KIAA1217: variants seen among roughly 807,000 people sequenced by gnomAD.
KIAA1217 encodes the protein KIAA1217, also known as sickle tail protein homolog.
In KIAA1217, 88 loss-of-function variants were observed where a neutral mutation model predicts 163.9. The ratio of observed to expected loss-of-function variants is 0.54; its 90% CI spans 0.45 to 0.64. The LOEUF (loss-of-function observed/expected upper bound fraction) is 0.64, where lower values mean the gene tolerates loss of function less well. Ranked by LOEUF, KIAA1217 falls within the 30% of genes least tolerant of loss-of-function variation. The probability of loss-of-function intolerance (pLI) is 0.00; values close to 1 mark genes in which losing one functional copy is unlikely to be tolerated. For missense variants in KIAA1217, 2,372 were observed against 2,475.0 expected (o/e 0.96, Z 0.88); for synonymous variants, 903 against 923.1 (o/e 0.98, Z 0.39).
chr10:24,166,002 C>T (rs943794995), intron 2 of KIAA1217, among the ~76,000 whole-genome samples: 7 of 152,162 alleles, frequency 4.6e-5, no homozygotes, highest in African/African-American at 7.2e-5. Flanking sequence ...TTCTTCCATG[C>T]TCCATCCTCC....
At chr10:24,326,867 C>T (rs766411647) in intron 2 of KIAA1217, among the ~76,000 whole-genome samples, 10 of 151,938 alleles carry the variant, frequency 6.6e-5, no homozygotes, top group South Asian at 4.2e-4. Context: ...ATTAGGGAAA[C>T]GAATGATATG....
At chr10:24,457,774 G>A (rs1183511002) in intron 5 of KIAA1217, among the ~76,000 whole-genome samples, 1 of 151,972 alleles carries the variant, frequency 6.6e-6, no homozygotes, top group Non-Finnish European at 1.5e-5. Context: ...ATCCTGTGTG[G>A]GAAGGAAGTC....
At chr10:24,367,119 G>A (rs752444625) in intron 2 of KIAA1217, 1 of 984,454 alleles carries the variant, frequency 1.0e-6, no homozygotes, top group Non-Finnish European at 1.2e-6. Context: ...TGGTCCACAG[G>A]CTTTGAAGGG....
chr10:23,916,246 A>G (rs7903728), intron 1 of KIAA1217, among the ~76,000 whole-genome samples: 61,467 of 152,082 alleles, frequency 0.4, 14,437 homozygotes, highest in African/African-American at 0.65. Flanking sequence ...AGACACAGAC[A>G]CATCCATAAA....
chr10:24,362,961 G>A (rs1451871188), intron 2 of KIAA1217, among the ~76,000 whole-genome samples: 1 of 150,958 alleles, frequency 6.6e-6, no homozygotes, highest in South Asian at 2.1e-4. Flanking sequence ...AAGAAGAAAA[G>A]AAAATCTTTA....
chr10:24,092,928 T>TGTTGTGTGTGTGTGTGTG (rs548350322), intron 2 of KIAA1217, among the ~76,000 whole-genome samples: 4 of 140,952 alleles, frequency 2.8e-5, no homozygotes, highest in African/African-American at 1.1e-4. Context: ...TGTGTGTGTG[T>TGTTGTGTGTGTGTGTGTG]TGTGTGTGTG....
At chr10:23,924,597 G>A (rs904883024) in intron 1 of KIAA1217, among the ~76,000 whole-genome samples, 4 of 152,132 alleles carry the variant, frequency 2.6e-5, no homozygotes, top group South Asian at 2.1e-4. Context: ...TCAAGGAAAC[G>A]TTCAAAGTCA....
At chr10:23,800,552 T>C (rs543377416) in intron 1 of KIAA1217, among the ~76,000 whole-genome samples, 25 of 152,250 alleles carry the variant, frequency 1.6e-4, no homozygotes, top group African/African-American at 4.3e-4. Flanking sequence ...GAGAAATTTC[T>C]TCCAGGGGCC....
At chr10:23,940,349 A>C (rs760218816) in intron 1 of KIAA1217, among the ~76,000 whole-genome samples, 2 of 150,324 alleles carry the variant, frequency 1.3e-5, no homozygotes, top group Non-Finnish European at 3.0e-5. Flanking sequence ...AATCCTAGCT[A>C]TTCAGAAGGC....
At chr10:24,004,081 G>A (rs2131470932) in intron 1 of KIAA1217, among the ~76,000 whole-genome samples, 1 of 152,228 alleles carries the variant, frequency 6.6e-6, no homozygotes, top group East Asian at 1.9e-4. Context: ...CCGGTTCCAA[G>A]CGATTCTCCT....
At chr10:24,279,079 A>G (rs546781452) in intron 2 of KIAA1217, among the ~76,000 whole-genome samples, 1 of 152,232 alleles carries the variant, frequency 6.6e-6, no homozygotes, top group South Asian at 2.1e-4. Flanking sequence ...ACCTCAGGTG[A>G]TCCGCACATC....
At chr10:23,880,433 T>C (rs1029085676) in intron 1 of KIAA1217, among the ~76,000 whole-genome samples, 2 of 151,538 alleles carry the variant, frequency 1.3e-5, no homozygotes, top group Non-Finnish European at 2.9e-5. Flanking sequence ...AGTAGAAGGA[T>C]GGTTACCAGA....
intron 2 of KIAA1217, among the ~76,000 whole-genome samples, chr10:24,046,584 A>G (rs1330420360): frequency 1.3e-5 from 2 of 152,156 alleles, no homozygotes; most frequent in South Asian, 4.1e-4. Context: ...GCGAAGGAGG[A>G]AGTGCCACAC....
chr10:23,888,513 C>T (rs1841282427), intron 1 of KIAA1217, among the ~76,000 whole-genome samples: 1 of 151,860 alleles, frequency 6.6e-6, no homozygotes, highest in African/African-American at 2.4e-5. Context: ...TCACATTTAA[C>T]ATCCTATCAA....
At chr10:23,756,165 G>A (rs1268148864) in intron 1 of KIAA1217, among the ~76,000 whole-genome samples, 1 of 149,066 alleles carries the variant, frequency 6.7e-6, no homozygotes, top group Non-Finnish European at 1.5e-5. Flanking sequence ...GTCTCACTAT[G>A]TTGCCCAAGC....
intron 1 of KIAA1217, among the ~76,000 whole-genome samples, chr10:23,895,789 A>G (rs1841659923): frequency 2.0e-5 from 3 of 152,010 alleles, no homozygotes; most frequent in Non-Finnish European, 4.4e-5. Flanking sequence ...TGGCACATAT[A>G]CACCATGGAA....
At chr10:24,322,067 G>C (rs968851757) in intron 2 of KIAA1217, among the ~76,000 whole-genome samples, 3 of 152,080 alleles carry the variant, frequency 2.0e-5, no homozygotes, top group African/African-American at 7.2e-5. Context: ...TCCCACCTCA[G>C]CCTCCTGAGT....
At chr10:24,332,804 A>G (rs2045859157) in intron 2 of KIAA1217, among the ~76,000 whole-genome samples, 1 of 152,264 alleles carries the variant, frequency 6.6e-6, no homozygotes, top group South Asian at 2.1e-4. Context: ...TTCTAAAGTG[A>G]TCATTAATAG....
At chr10:23,967,347 G>T (rs1037631402) in intron 1 of KIAA1217, among the ~76,000 whole-genome samples, 3 of 151,854 alleles carry the variant, frequency 2.0e-5, no homozygotes, top group African/African-American at 7.3e-5. Flanking sequence ...AAAATTACAT[G>T]GTAATTTATT....
Sources: gnomAD v4.1 joint callset for allele counts (sites outside exome capture counted in the v4.1 genomes callset) on GRCh38, gnomAD v4.1.1 for gene constraint, MANE v1.5 for transcripts, NCBI Gene and HGNC (gene_info 2026-07-23, HGNC 2026-07-21) for gene names.